ZNF99: variants seen among roughly 807,000 people sequenced by gnomAD.
The protein encoded by ZNF99 is zinc finger protein ENSP00000375192.
ZNF99 carries 8 observed loss-of-function variants against 12.8 expected under a neutral mutation model. The observed-to-expected ratio is 0.62, with a 90% CI of 0.37 to 1.13. The LOEUF (loss-of-function observed/expected upper bound fraction) is 1.13. Among genes scored for constraint, ZNF99 ranks in the 50% most tolerant of loss-of-function variants. ZNF99 has a pLI of 0.02. For synonymous variants in ZNF99, 318 were observed against 319.0 expected, an observed-to-expected ratio of 1.00 and a Z score of 0.03; for missense variants, 1,007 against 1,006.2, an observed-to-expected ratio of 1.00 and a Z score of -0.01.
In ZNF99 at chr19:22,759,003, T is replaced by C. The variant is rs780152042; in HGVS notation, c.906A>G (p.Arg302=). ...TCTCTCCAGTATGAATTGCTTTATG[T>C]CTAGTAAGGTGTGAGGATTGCTTAA... is the stretch of plus-strand genomic sequence containing the variant. ...KAFKQSSHLT[R]HKAIHTGEKP... The change falls in exon 4 of 4, where the codon AGA becomes AGG. Residue 302 remains arginine (R), a synonymous_variant. Coordinates refer to ENST00000596209, the MANE Select transcript of ZNF99 (RefSeq NM_001080409.3). 8 of 1,613,798 alleles carry C rather than the reference T, an allele frequency of 5.0e-6. No homozygotes were observed. The East Asian group carries it at 1.8e-4, about 36-fold the overall frequency.
Position 22,756,152 on chromosome 19 carries a change from T to C in ZNF99, c.*1162A>G. On this transcript the variant is annotated 3_prime_UTR_variant, in exon 4 of 4. Transcript: ENST00000596209. ...TCTGTCTCTAGTATAAATTATCTTA[T>C]GTGTATTAAGGTTTGTAAAATGGTT... 5 of 1,514,270 alleles carry C rather than the reference T, an allele frequency of 3.3e-6. No homozygotes were observed. In the South Asian group the frequency reaches 3.5e-5, roughly 11 times the overall value. The allele number at this position is 1,514,270 out of a possible 1,614,324, so 93.8% of individuals were successfully genotyped here.
At position 22,783,590 on chromosome 19, in the gene ZNF99, T is replaced by G. The variant is rs146980590; in HGVS notation, c.3+424A>C. Among the ~76,000 whole-genome samples the G allele has an allele frequency of 4.4e-3, 668 of 152,294 alleles. 8 individuals are homozygous for G. The highest frequency in any genetic ancestry group is 0.015 in the African/African-American group (634 of 41,576). ...TTTGAATCACTCTTTGATTAAATCC[T>G]TTATTACTTTAGTGATGACTGCCAT... is the stretch of plus-strand genomic sequence containing the variant. On this transcript the variant is annotated intron_variant, in intron 1 of 3. Coordinates refer to ENST00000596209, the MANE Select transcript of ZNF99 (RefSeq NM_001080409.3).
intron 1 of ZNF99, chr19:22,774,224 T>A (rs1046524493): frequency 1.3e-5 from 2 of 152,264 alleles, no homozygotes; most frequent in African/African-American, 4.8e-5. Context: ...AATACTATCT[T>A]AAAAAGAATT....
chr19:22,761,833 G>T (rs1973153837), intron 3 of ZNF99, among the ~76,000 whole-genome samples: 1 of 152,000 alleles, frequency 6.6e-6, no homozygotes, highest in Non-Finnish European at 1.5e-5. Flanking sequence ...ACTACAAAAG[G>T]AAACTTCAAA....
At chr19:22,768,155 T>C in intron 3 of ZNF99, 150 bp downstream of exon 3, 2 of 832,494 alleles carry the variant, frequency 2.4e-6, no homozygotes, top group Non-Finnish European at 3.9e-6. Context: ...GAAGATGCCC[T>C]ACATGAGAGC....
At chr19:22,781,479 C>T (rs57111074) in intron 1 of ZNF99, among the ~76,000 whole-genome samples, 12,428 of 134,560 alleles carry the variant, frequency 0.092, 561 homozygotes, top group South Asian at 0.12. Flanking sequence ...TTTTCTTTCA[C>T]TATTTTTTCA....
chr19:22,763,848 C>T (rs1452187270), intron 3 of ZNF99, among the ~76,000 whole-genome samples: 5 of 148,406 alleles, frequency 3.4e-5, no homozygotes, highest in Non-Finnish European at 1.5e-5. Flanking sequence ...AGCTGAACTT[C>T]GACAAAGCAA....
rs192429534 is a variant in ZNF99, at chr19:22,754,353, T to C, written c.*2961A>G. 2.4e-5 allele frequency: 10 copies of C among 409,900 alleles called. No homozygotes were observed. The highest frequency in any genetic ancestry group is 4.7e-5 in the Non-Finnish European group (10 of 210,964). The allele number at this position is 409,900 out of a possible 1,614,324, so 25.4% of individuals were successfully genotyped here. A position where few individuals can be genotyped will look rare whatever the true frequency, so the allele number is the denominator to read the frequency against. ...TTGCACTCCAATTTGGGCGACAGAG[T>C]GAGACTCCATTTCAAAAAAAAAAAA... On this transcript the variant is annotated 3_prime_UTR_variant, in exon 4 of 4. Coordinates refer to ENST00000596209, the MANE Select transcript of ZNF99 (RefSeq NM_001080409.3).
intron 3 of ZNF99, among the ~76,000 whole-genome samples, chr19:22,761,039 T>G (rs1973145724): frequency 6.6e-6 from 1 of 151,966 alleles, no homozygotes; most frequent in African/African-American, 2.4e-5. Context: ...GATGTACAAA[T>G]TTTAATTAAT....
chr19:22,782,775 G>A (rs953967484), intron 1 of ZNF99, among the ~76,000 whole-genome samples: 1 of 148,406 alleles, frequency 6.7e-6, no homozygotes, highest in Non-Finnish European at 1.5e-5. Flanking sequence ...GGGTTCAAGC[G>A]ATTATCTGCC....
Position 22,758,724 on chromosome 19 carries a change from T to C in ZNF99, c.1185A>G (p.Lys395=), listed in dbSNP as rs140214527. 1.2e-6 allele frequency: 2 copies of C among 1,613,694 alleles called. No individual in the cohort carries two copies. The highest frequency in any genetic ancestry group is 2.2e-5 in the East Asian group (1 of 44,862). Residue 395 remains lysine, a synonymous_variant, in exon 4 of 4, where the codon AAA becomes AAG. Transcript: ENST00000596209. ...RKHEIIHTGQ[K]PYKCEECGKA... ...TACCACATTCTTCACATTTGTAGGG[T>C]TTCTGTCCAGTATGAATTATCTCAT...
chr19:22,769,834 T>G, intron 1 of ZNF99: 1 of 1,292,356 alleles, frequency 7.7e-7, no homozygotes, highest in Non-Finnish European at 1.0e-6. Flanking sequence ...AAAAAAAGAA[T>G]GGCAGAAGAT....
Position 22,759,479 on chromosome 19 carries a change from T to G in ZNF99, c.430A>C (p.Ile144Leu). ...NQCWTTTQGK[I>L]FQCNKYVKVF... ...TTCACATATTTGTTACACTGAAATA[T>G]TTTTCCCTGGGTAGTTGTCCAACAT... is the stretch of plus-strand genomic sequence containing the variant. The change falls in exon 4 of 4, where the codon ATA (isoleucine) becomes CTA (leucine). Residue 144 changes from isoleucine to leucine, a missense_variant. Coordinates refer to ENST00000596209, the MANE Select transcript of ZNF99 (RefSeq NM_001080409.3). 1 of 1,606,062 alleles carries G rather than the reference T, an allele frequency of 6.2e-7. No homozygotes were observed. Among genetic ancestry groups the G allele is most frequent in the Non-Finnish European group, 8.5e-7 (1 of 1,177,176 alleles).
chr19:22,764,613 T>A (rs528944618), intron 3 of ZNF99, among the ~76,000 whole-genome samples: 2 of 151,078 alleles, frequency 1.3e-5, no homozygotes, highest in East Asian at 3.9e-4. Flanking sequence ...ATCTTGAATC[T>A]ACAATGCACT....
intron 1 of ZNF99, among the ~76,000 whole-genome samples, chr19:22,779,475 A>C (rs1258223464): frequency 6.6e-6 from 1 of 152,180 alleles, no homozygotes; most frequent in African/African-American, 2.4e-5. Flanking sequence ...AGTTGAGTCA[A>C]GATCGTGCCA....
At chr19:22,783,982 C>T in intron 1 of ZNF99, 32 bp downstream of exon 1, 3 of 1,613,820 alleles carry the variant, frequency 1.9e-6, no homozygotes, top group South Asian at 1.1e-5. Context: ...AGCCCCTTCC[C>T]CTTCTCAGGA....
intron 1 of ZNF99, chr19:22,770,907 GA>G (rs1367824383): frequency 2.0e-5 from 3 of 151,860 alleles, no homozygotes; most frequent in Non-Finnish European, 4.4e-5. Context: ...TAGCACACTA[GA>G]GAGCAGGTAT....
At chr19:22,771,431 A>AT (rs1973269498) in intron 1 of ZNF99, among the ~76,000 whole-genome samples, 1 of 148,290 alleles carries the variant, frequency 6.7e-6, no homozygotes, top group South Asian at 2.1e-4. Flanking sequence ...AATTTTTTGT[A>AT]TTTTTAGTAG....
chr19:22,756,174 GGTTGAAA>G lies in ZNF99; in HGVS notation c.*1133_*1139del. On this transcript the variant is annotated 3_prime_UTR_variant, in exon 4 of 4. Coordinates refer to ENST00000596209, the MANE Select transcript of ZNF99 (RefSeq NM_001080409.3). Reference sequence around the variant, plus strand: ...TTATGTGTATTAAGGTTTGTAAAATGGTTGAAAGCTTTGACACATTCTTCACATTTTT... The same window carrying G: ...TTATGTGTATTAAGGTTTGTAAAATGGCTTTGACACATTCTTCACATTTTT... 6.5e-7 allele frequency: 1 copy of G among 1,534,364 alleles called. No homozygotes were observed. Among genetic ancestry groups the G allele is most frequent in the Middle Eastern group, 1.8e-4 (1 of 5,572 alleles).
Sources: allele counts gnomAD v4.1 joint callset (sites outside exome capture counted in the v4.1 genomes callset), GRCh38; gene constraint gnomAD v4.1.1; transcripts MANE v1.5; gene names NCBI Gene and HGNC (gene_info 2026-07-23, HGNC 2026-07-21).